WT1: variants seen among roughly 807,000 people sequenced by gnomAD.
WT1 encodes the protein WT1 transcription factor.
A neutral mutation model predicts 60.8 loss-of-function variants in WT1; 8 were observed. The observed-to-expected ratio is 0.13, with a 90% confidence interval of 0.08 to 0.24. The LOEUF (loss-of-function observed/expected upper bound fraction) is 0.24. WT1 is among the 10% of genes least tolerant of loss of function. The pLI is 1.00. For missense variants in WT1, 568 were observed against 711.8 expected, an observed-to-expected ratio of 0.80 and a Z score of 2.30; for synonymous variants, 312 against 297.1, an observed-to-expected ratio of 1.05 and a Z score of -0.52.
At chr11:32,429,027 T>A in intron 1 of WT1, 1 of 328,108 alleles carries the variant, frequency 3.0e-6, no homozygotes, top group Non-Finnish European at 6.0e-6. Context: ...GCGAAATGAA[T>A]CTGCTGGGCT....
At chr11:32,425,095 T>C (rs1425258228) in intron 3 of WT1, among the ~76,000 whole-genome samples, 1 of 151,204 alleles carries the variant, frequency 6.6e-6, no homozygotes, top group Non-Finnish European at 1.5e-5. Context: ...CAAGAATCAC[T>C]TGAATCTGGG....
At chr11:32,392,532 T>C in intron 8 of WT1, 134 bp downstream of exon 8, 1 of 880,414 alleles carries the variant, frequency 1.1e-6, no homozygotes, top group South Asian at 1.4e-5. Context: ...CTCCAGAGAT[T>C]ATGGGGGGAA....
rs141352131 is a variant in WT1 at position 32,402,045 on chromosome 11, G to C, written c.1017-2001C>G. ...CCAATACTCACTCACCCAGAGGAGA[G>C]AGTGCCTGAAGGAAAGAGTGTCTGC... On this transcript the variant is annotated intron_variant, in intron 5 of 9. Transcript: ENST00000452863. Among the ~76,000 whole-genome samples, 240 of 152,274 alleles carry C rather than the reference G, an allele frequency of 1.6e-3. 1 individual carries two copies. The highest frequency in any genetic ancestry group is 5.5e-3 in the African/African-American group (228 of 41,560).
intron 6 of WT1, among the ~76,000 whole-genome samples, chr11:32,399,713 G>A (rs1269390289): frequency 6.6e-6 from 1 of 152,234 alleles, no homozygotes; most frequent in Non-Finnish European, 1.5e-5. Context: ...AGAAAGGAGA[G>A]GATTCTGTTA....
intron 5 of WT1, among the ~76,000 whole-genome samples, chr11:32,415,423 C>A (rs1343311952): frequency 6.6e-6 from 1 of 152,136 alleles, no homozygotes; most frequent in Non-Finnish European, 1.5e-5. Flanking sequence ...TCAAGGTGGG[C>A]GGATCACCTG....
chr11:32,392,810 T>G (rs371263078), intron 7 of WT1, 55 bp from the exon 8 acceptor site: 11 of 1,532,712 alleles, frequency 7.2e-6, no homozygotes, highest in African/African-American at 1.4e-5. Flanking sequence ...GGGATCTCAT[T>G]AAAGGCAACC....
In WT1 at chr11:32,435,008, G is replaced by A. The variant is rs761252308; in HGVS notation, c.353C>T (p.Ala118Val). 6.7e-7 allele frequency: 1 copy of A among 1,487,922 alleles called. No individual in the cohort carries two copies. Among genetic ancestry groups the A allele is most frequent in the South Asian group, 1.3e-5 (1 of 75,802 alleles). The allele number at this position is 1,487,922 out of a possible 1,614,324, so 92.2% of individuals were successfully genotyped here. A position where few individuals can be genotyped will look rare whatever the true frequency, so the allele number is the denominator to read the frequency against. The stretch of plus-strand genomic sequence containing the variant: ...GCCGCCCAACGACCCGTAAGCCGAA[G>A]CGCCCGGGGGCGCAAAGTCCAGCAC... Residue 118 changes from alanine (A) to valine (V), a missense_variant, in exon 1 of 10, where the codon GCT becomes GTT. Around this residue, in one of 3 missense-constraint regions of WT1, gnomAD observed 523 missense variants for 565.1 expected, o/e 0.93. Coordinates refer to ENST00000452863, the MANE Select transcript of WT1 (RefSeq NM_024426.6).
At chr11:32,413,779 A>G (rs1284820838) in intron 5 of WT1, among the ~76,000 whole-genome samples, 2 of 152,178 alleles carry the variant, frequency 1.3e-5, no homozygotes, top group African/African-American at 4.8e-5. Context: ...CTCACTGTAA[A>G]GGGTATTTCT....
chr11:32,428,803 T>C, intron 1 of WT1, 184 bp from the exon 2 acceptor site: 2 of 875,868 alleles, frequency 2.3e-6, no homozygotes, highest in South Asian at 3.0e-5. Flanking sequence ...AGTCCCTGGA[T>C]GTGACCTTGG....
chr11:32,424,091 G>A (rs1852942756), intron 3 of WT1, among the ~76,000 whole-genome samples: 1 of 147,822 alleles, frequency 6.8e-6, no homozygotes, highest in Non-Finnish European at 1.5e-5. Flanking sequence ...GAACCCGGCA[G>A]GCAGAGGTTG....
In WT1 at chr11:32,396,414, G is replaced by T. The variant is rs1396821797; in HGVS notation, c.1114-7C>A. 3.7e-6 allele frequency: 6 copies of T among 1,613,412 alleles called. No individual in the cohort carries two copies. The highest frequency in any genetic ancestry group is 3.4e-6 in the Non-Finnish European group (4 of 1,180,040). On this transcript the variant is annotated splice_region_variant and splice_polypyrimidine_tract_variant and intron_variant, in intron 6 of 9. Transcript: ENST00000452863. ...CAGGCACACGTCGCACATCCTGCAGGCAGAGAGTAAGAGGAAGGGAGGCTT... is the reference window on the plus strand; with the variant it reads ...CAGGCACACGTCGCACATCCTGCAGTCAGAGAGTAAGAGGAAGGGAGGCTT...
chr11:32,429,462 T>TTC (rs1491447843), intron 1 of WT1, among the ~76,000 whole-genome samples: 9 of 124,622 alleles, frequency 7.2e-5, no homozygotes, highest in Non-Finnish European at 1.0e-4. Flanking sequence ...ATCCTAGCAT[T>TTC]CCCCCCCCCC....
intron 5 of WT1, among the ~76,000 whole-genome samples, chr11:32,404,551 C>A (rs1852254609): frequency 6.6e-6 from 1 of 152,020 alleles, no homozygotes; most frequent in Non-Finnish European, 1.5e-5. Flanking sequence ...TCCTGTCCTG[C>A]CACAGAGACC....
intron 5 of WT1, 114 bp downstream of exon 5, chr11:32,416,376 A>T: frequency 7.6e-7 from 1 of 1,322,702 alleles, no homozygotes; most frequent in South Asian, 1.2e-5. Flanking sequence ...GATTCTTCCC[A>T]TCCACCAAAT....
intron 6 of WT1, among the ~76,000 whole-genome samples, chr11:32,397,069 T>C (rs1412447675): frequency 6.6e-6 from 1 of 152,232 alleles, no homozygotes; most frequent in East Asian, 1.9e-4. Context: ...TCTGCACACG[T>C]CCTTTGCAGG....
chr11:32,403,853 T>C (rs1852231339), intron 5 of WT1, among the ~76,000 whole-genome samples: 1 of 152,040 alleles, frequency 6.6e-6, no homozygotes, highest in Non-Finnish European at 1.5e-5. Context: ...ATTACAGGTG[T>C]GAGCTACTGC....
intron 5 of WT1, chr11:32,400,583 T>G (rs1300632912): frequency 4.4e-6 from 1 of 227,976 alleles, no homozygotes; most frequent in Non-Finnish European, 8.7e-6. Context: ...CCAGATCAGC[T>G]TAACTCTTGG....
At chr11:32,415,658 G>A (rs766927078) in intron 5 of WT1, among the ~76,000 whole-genome samples, 1 of 152,152 alleles carries the variant, frequency 6.6e-6, no homozygotes, top group Non-Finnish European at 1.5e-5. Context: ...AAAAAGAAAA[G>A]AGAATGGGTA....
intron 5 of WT1, among the ~76,000 whole-genome samples, chr11:32,411,450 T>C (rs996094155): frequency 3.3e-5 from 5 of 152,226 alleles, no homozygotes; most frequent in Non-Finnish European, 5.9e-5. Flanking sequence ...CCAATCATTT[T>C]TGTAAGAAAG....
Sources: gnomAD v4.1 joint callset for allele counts (sites outside exome capture counted in the v4.1 genomes callset) on GRCh38, gnomAD v4.1.1 for gene constraint, gnomAD v4.1.1 regional missense constraint, MANE v1.5 for transcripts, NCBI Gene and HGNC (gene_info 2026-07-23, HGNC 2026-07-21) for gene names.